The following BBX variants were observed in gnomAD, a reference collection of about 807,000 sequenced individuals.
The protein encoded by BBX is HMG box transcription factor BBX.
Under a neutral mutation model 100.2 loss-of-function variants are expected in BBX, and 30 were observed. That is an observed-to-expected ratio of 0.30 (90% CI 0.22 to 0.41). The LOEUF (loss-of-function observed/expected upper bound fraction) is 0.41, where lower values mean the gene tolerates loss of function less well. Among genes scored for constraint, BBX ranks in the 10% least tolerant of loss-of-function variants. The probability of loss-of-function intolerance (pLI) is 1.00; values close to 1 mark genes in which losing one functional copy is unlikely to be tolerated. For synonymous variants in BBX, 376 were observed against 388.1 expected (o/e 0.97, Z 0.37); for missense variants, 1,023 against 1,129.8 (o/e 0.91, Z 1.35).
At chr3:107,764,066 C>T (rs545969459) in intron 10 of BBX, among the ~76,000 whole-genome samples, 3 of 152,270 alleles carry the variant, frequency 2.0e-5, no homozygotes, top group African/African-American at 7.2e-5. Context: ...GATCTCAGCT[C>T]GCTGCAACCT....
At chr3:107,770,917 G>A (rs1362106979) in intron 10 of BBX, among the ~76,000 whole-genome samples, 1 of 152,140 alleles carries the variant, frequency 6.6e-6, no homozygotes, top group African/African-American at 2.4e-5. Flanking sequence ...TTAATTCAAT[G>A]TATTATCCAC....
chr3:107,631,104 G>T (rs1370805299), intron 2 of BBX, among the ~76,000 whole-genome samples: 1 of 152,120 alleles, frequency 6.6e-6, no homozygotes, highest in Admixed American at 6.5e-5. Context: ...TCCCAAACTG[G>T]ATCTCTGCCT....
In BBX at chr3:107,809,522, A is replaced by G. The variant is rs1436444261; in HGVS notation, c.*4065A>G. 1.3e-5 allele frequency: 2 copies of G among 152,214 alleles called. No homozygotes were observed. Among genetic ancestry groups the G allele is most frequent in the African/African-American group, 2.4e-5 (1 of 41,460 alleles). The allele number at this position is 152,214 out of a possible 1,614,324, so 9.4% of individuals were successfully genotyped here. On this transcript the variant is annotated 3_prime_UTR_variant, in exon 18 of 18. Coordinates refer to ENST00000325805, the MANE Select transcript of BBX (RefSeq NM_001142568.3). Reference sequence around the variant, plus strand: ...TCCACAGAGCCCTCATATAAGGCCAATCCTAATGGGCTACCTCGGCTTTAA... The same window carrying G: ...TCCACAGAGCCCTCATATAAGGCCAGTCCTAATGGGCTACCTCGGCTTTAA...
At chr3:107,726,078 C>A (rs960177355) in intron 5 of BBX, among the ~76,000 whole-genome samples, 1 of 151,942 alleles carries the variant, frequency 6.6e-6, no homozygotes, top group Non-Finnish European at 1.5e-5. Flanking sequence ...GGGATTTTGC[C>A]TACATGATTG....
intron 3 of BBX, among the ~76,000 whole-genome samples, chr3:107,668,191 T>G (rs1377256041): frequency 6.6e-6 from 1 of 152,174 alleles, no homozygotes; most frequent in African/African-American, 2.4e-5. Flanking sequence ...ATGGTTTTCT[T>G]CTTCTATGCA....
chr3:107,541,417 G>A (rs1576231809), intron 2 of BBX, among the ~76,000 whole-genome samples: 1 of 152,152 alleles, frequency 6.6e-6, no homozygotes, highest in Non-Finnish European at 1.5e-5. Flanking sequence ...TTCATGCCCT[G>A]TGAGCTACAA....
At chr3:107,545,437 T>A (rs2049162407) in intron 2 of BBX, among the ~76,000 whole-genome samples, 1 of 152,156 alleles carries the variant, frequency 6.6e-6, no homozygotes, top group South Asian at 2.1e-4. Flanking sequence ...AAATCTTAAG[T>A]GGTAGCTAAA....
chr3:107,710,940 T>C (rs2061679951), intron 4 of BBX, among the ~76,000 whole-genome samples: 1 of 152,248 alleles, frequency 6.6e-6, no homozygotes, highest in Non-Finnish European at 1.5e-5. Flanking sequence ...CGTTCTACCC[T>C]GTGGCTCTTC....
At chr3:107,526,062 G>A (rs3761962) in intron 1 of BBX, among the ~76,000 whole-genome samples, 7,913 of 152,270 alleles carry the variant, frequency 0.052, 315 homozygotes, top group Non-Finnish European at 0.065. Flanking sequence ...GTACATGTGG[G>A]GAGTAGGAAG....
intron 3 of BBX, among the ~76,000 whole-genome samples, chr3:107,656,832 T>A (rs1215531857): frequency 6.6e-6 from 1 of 152,146 alleles, no homozygotes; most frequent in Non-Finnish European, 1.5e-5. Context: ...AAGAGGGAGA[T>A]ATACAAATAA....
intron 13 of BBX, among the ~76,000 whole-genome samples, chr3:107,788,502 G>T (rs974006128): frequency 2.6e-5 from 4 of 152,114 alleles, no homozygotes; most frequent in African/African-American, 9.7e-5. Flanking sequence ...ACAGAATGAG[G>T]CTGGGCACAG....
At chr3:107,769,011 G>A (rs1314158623) in intron 10 of BBX, among the ~76,000 whole-genome samples, 1 of 834 alleles carries the variant, frequency 1.2e-3, no homozygotes, top group Non-Finnish European at 5.9e-3. Context: ...GGGGGGCGGC[G>A]GGGGGGGGGA....
intron 2 of BBX, among the ~76,000 whole-genome samples, chr3:107,539,650 T>A (rs1160015057): frequency 6.6e-6 from 1 of 152,216 alleles, no homozygotes; most frequent in Non-Finnish European, 1.5e-5. Flanking sequence ...TATGTATACA[T>A]TTCTTTATAA....
rs2071024331 is a variant in BBX at position 107,805,792 on chromosome 3, C to G, written c.*335C>G. 3.0e-6 allele frequency: 1 copy of G among 331,950 alleles called. No individual in the cohort carries two copies. The highest frequency in any genetic ancestry group is 2.1e-5 in the African/African-American group (1 of 47,636). 20.6% of individuals were successfully genotyped at this position (331,950 alleles called of 1,614,324 possible). A position where few individuals can be genotyped will look rare whatever the true frequency, so the allele number is the denominator to read the frequency against. ...GTAGCTCACCCAGCATCTCTTTTACCAACCAGAGAGTGTGAAACTAGTTTC... is the reference window on the plus strand; with the variant it reads ...GTAGCTCACCCAGCATCTCTTTTACGAACCAGAGAGTGTGAAACTAGTTTC... On this transcript the variant is annotated 3_prime_UTR_variant, in exon 18 of 18. Transcript: ENST00000325805.
chr3:107,590,352 G>C (rs1174469058), intron 2 of BBX, among the ~76,000 whole-genome samples: 1 of 152,100 alleles, frequency 6.6e-6, no homozygotes, highest in Non-Finnish European at 1.5e-5. Flanking sequence ...GCGTAGTTGG[G>C]ATATCACCTC....
chr3:107,587,441 A>G (rs2052940552), intron 2 of BBX, among the ~76,000 whole-genome samples: 1 of 152,148 alleles, frequency 6.6e-6, no homozygotes, highest in Non-Finnish European at 1.5e-5. Flanking sequence ...GTAATTTTAA[A>G]TAATCTACCC....
intron 10 of BBX, among the ~76,000 whole-genome samples, chr3:107,763,369 C>T (rs980063861): frequency 6.6e-6 from 1 of 152,070 alleles, no homozygotes; most frequent in Non-Finnish European, 1.5e-5. Context: ...ATCTAGTACA[C>T]CTAATTTGTT....
At chr3:107,764,532 G>A (rs9841017) in intron 10 of BBX, among the ~76,000 whole-genome samples, 144,224 of 152,280 alleles carry the variant, frequency 0.95, 68,769 homozygotes, top group East Asian at 1. Flanking sequence ...GGGAATAGAC[G>A]ATAGGTATCA....
intron 5 of BBX, among the ~76,000 whole-genome samples, chr3:107,726,348 G>C (rs2062933272): frequency 2.0e-5 from 3 of 151,654 alleles, no homozygotes; most frequent in Admixed American, 1.3e-4. Flanking sequence ...GTGTTAACTT[G>C]TGTTTTTACA....
Sources: allele counts gnomAD v4.1 joint callset (sites outside exome capture counted in the v4.1 genomes callset), GRCh38; gene constraint gnomAD v4.1.1; transcripts MANE v1.5; gene names NCBI Gene and HGNC (gene_info 2026-07-23, HGNC 2026-07-21).